The following IL1RAPL1 variants were observed in gnomAD, a reference collection of about 807,000 sequenced individuals.
IL1RAPL1 encodes the protein interleukin 1 receptor accessory protein like 1, also known as interleukin-1 receptor accessory protein-like 1.
A neutral mutation model predicts 48.4 loss-of-function variants in IL1RAPL1; 3 were observed. The observed-to-expected ratio is 0.06, with a 90% CI of 0.03 to 0.16. The LOEUF is 0.16. Among genes scored for constraint, IL1RAPL1 ranks in the 10% least tolerant of loss-of-function variants. The probability of loss-of-function intolerance (pLI) is 1.00; values close to 1 mark genes in which losing one functional copy is unlikely to be tolerated. For synonymous variants in IL1RAPL1, 185 were observed against 187.7 expected (o/e 0.99, Z 0.12); for missense variants, 349 against 530.6 (o/e 0.66, Z 3.36).
At chrX:29,424,496 A>G (rs1227604875) in intron 5 of IL1RAPL1, among the ~76,000 whole-genome samples, 1 of 111,530 alleles carries the variant, frequency 9.0e-6, no homozygotes, top group Non-Finnish European at 1.9e-5. Context: ...GAGGAAGGAC[A>G]GAATGTTAAC....
chrX:29,902,779 CAATT>C (rs1472716165), intron 6 of IL1RAPL1, among the ~76,000 whole-genome samples: 1 of 111,286 alleles, frequency 9.0e-6, no homozygotes, highest in Non-Finnish European at 1.9e-5. Flanking sequence ...ATTGATCAAA[CAATT>C]GAGTTGCTTT....
intron 1 of IL1RAPL1, among the ~76,000 whole-genome samples, chrX:28,730,678 A>G (rs1336723149): frequency 8.9e-6 from 1 of 112,042 alleles, no homozygotes; most frequent in Non-Finnish European, 1.9e-5. Context: ...ACATTCATGC[A>G]TTAACTTGAG....
intron 2 of IL1RAPL1, among the ~76,000 whole-genome samples, chrX:28,946,016 A>T (rs2147351973): frequency 9.1e-6 from 1 of 109,329 alleles, no homozygotes. Flanking sequence ...GCATAATTTT[A>T]AATGAAGGGC....
chrX:28,890,838 T>C (rs758066090), intron 2 of IL1RAPL1, among the ~76,000 whole-genome samples: 6 of 112,269 alleles, frequency 5.3e-5, no homozygotes, highest in African/African-American at 1.9e-4. Flanking sequence ...CACTGGTAGC[T>C]CTTTCATGAA....
chrX:29,956,220 C>G lies in IL1RAPL1; in HGVS notation c.*400C>G. On this transcript the variant is annotated 3_prime_UTR_variant, in exon 11 of 11. Transcript: ENST00000378993. ...CTTGGGGTGCTTGGACAAATCTATC[C>G]GATGGGACAAGGAGCACCGGATTCT... 6.1e-6 allele frequency: 1 copy of G among 163,838 alleles called. No individual in the cohort carries two copies. Among genetic ancestry groups the G allele is most frequent in the Non-Finnish European group, 1.1e-5 (1 of 89,657 alleles). 13.5% of individuals were successfully genotyped at this position (163,838 alleles called of 1,213,427 possible). A position where few individuals can be genotyped will look rare whatever the true frequency, so the allele number is the denominator to read the frequency against.
At chrX:29,487,808 T>A (rs139672787) in intron 5 of IL1RAPL1, among the ~76,000 whole-genome samples, 1 of 111,983 alleles carries the variant, frequency 8.9e-6, no homozygotes, top group African/African-American at 3.3e-5. Context: ...ATGTAGCTCA[T>A]TGAGTGGGGC....
At chrX:29,040,708 T>G (rs1926828017) in intron 2 of IL1RAPL1, among the ~76,000 whole-genome samples, 1 of 112,427 alleles carries the variant, frequency 8.9e-6, no homozygotes, top group Non-Finnish European at 1.9e-5. Context: ...TAAGGTGTGT[T>G]CACGCTTTAT....
chrX:28,824,426 A>G (rs893049155), intron 2 of IL1RAPL1, among the ~76,000 whole-genome samples: 7 of 111,196 alleles, frequency 6.3e-5, no homozygotes, highest in African/African-American at 2.3e-4. Context: ...ACTTCTTCAA[A>G]TTAATAATTA....
chrX:28,781,868 A>G (rs1319537721), intron 1 of IL1RAPL1, among the ~76,000 whole-genome samples: 1 of 111,757 alleles, frequency 8.9e-6, no homozygotes, highest in African/African-American at 3.2e-5. Context: ...TTATCAGCAT[A>G]CTTGTTTTAC....
chrX:29,618,472 G>A (rs955872923), intron 5 of IL1RAPL1, among the ~76,000 whole-genome samples: 7 of 111,742 alleles, frequency 6.3e-5, no homozygotes, highest in East Asian at 5.6e-4. Context: ...CACTTTTACT[G>A]GTCTAAAATC....
rs184080341 is a variant in IL1RAPL1 at position 29,608,812 on chromosome X, C to T, written c.704-59618C>T. On this transcript the variant is annotated intron_variant, in intron 5 of 10. Transcript: ENST00000378993. ...CTGCACTCCAGCCTGGGCGACAGAG[C>T]GAGACTCCGTCTCAAAAAAATAAAA... Among the ~76,000 whole-genome samples the T allele has an allele frequency of 7.3e-3, 786 of 107,612 alleles. 8 individuals carry two copies. Among genetic ancestry groups the T allele is most frequent in the African/African-American group, 0.024 (702 of 29,220 alleles). 93.4% of individuals were successfully genotyped at this position (107,612 alleles called of 115,157 possible). A position where few individuals can be genotyped will look rare whatever the true frequency, so the allele number is the denominator to read the frequency against.
chrX:29,455,196 G>A (rs1017249074), intron 5 of IL1RAPL1, among the ~76,000 whole-genome samples: 14 of 111,348 alleles, frequency 1.3e-4, no homozygotes, highest in African/African-American at 4.2e-4. Flanking sequence ...AAACCTGCAC[G>A]TCCTGCACAT....
At chrX:29,339,064 T>C (rs1337862763) in intron 3 of IL1RAPL1, among the ~76,000 whole-genome samples, 1 of 85,605 alleles carries the variant, frequency 1.2e-5, no homozygotes, top group Admixed American at 1.3e-4. Flanking sequence ...TCCAAGCTTA[T>C]GCTGGGTAAA....
intron 3 of IL1RAPL1, among the ~76,000 whole-genome samples, chrX:29,334,172 G>C (rs1409955021): frequency 7.8e-4 from 54 of 69,363 alleles, no homozygotes; most frequent in African/African-American, 3.5e-3. Context: ...CTCACCTCCC[G>C]GACGGGGCGG....
chrX:28,824,101 C>G (rs1936966413), intron 2 of IL1RAPL1, among the ~76,000 whole-genome samples: 1 of 111,201 alleles, frequency 9.0e-6, no homozygotes, highest in African/African-American at 3.3e-5. Flanking sequence ...GCATTTCAAA[C>G]TTGTTTTCTG....
intron 2 of IL1RAPL1, among the ~76,000 whole-genome samples, chrX:29,009,613 G>T (rs1353393178): frequency 1.8e-5 from 2 of 111,867 alleles, no homozygotes. Context: ...CCATTGGTCT[G>T]TGTGTCTCTT....
At chrX:29,747,120 T>C (rs1345075013) in intron 6 of IL1RAPL1, among the ~76,000 whole-genome samples, 3 of 111,952 alleles carry the variant, frequency 2.7e-5, no homozygotes, top group Non-Finnish European at 5.6e-5. Context: ...TAGAACCCAC[T>C]GGATAATCAA....
At chrX:29,952,534 A>T (rs1190325620) in intron 9 of IL1RAPL1, among the ~76,000 whole-genome samples, 1 of 112,081 alleles carries the variant, frequency 8.9e-6, no homozygotes, top group Admixed American at 9.5e-5. Context: ...ATAGTTAATG[A>T]ATATTTTAAT....
At chrX:29,320,543 G>A (rs1025431710) in intron 3 of IL1RAPL1, among the ~76,000 whole-genome samples, 2 of 111,807 alleles carry the variant, frequency 1.8e-5, no homozygotes, top group East Asian at 2.8e-4. Context: ...GGGAGGCTGA[G>A]GCAGGTAGAT....
Sources: gnomAD v4.1 joint callset for allele counts (sites outside exome capture counted in the v4.1 genomes callset) on GRCh38, gnomAD v4.1.1 for gene constraint, MANE v1.5 for transcripts, NCBI Gene and HGNC (gene_info 2026-07-23, HGNC 2026-07-21) for gene names.